Variants in PDE11A observed in about 807,000 individuals in gnomAD.
PDE11A encodes the protein phosphodiesterase 11A, also known as dual 3',5'-cyclic-AMP and -GMP phosphodiesterase 11A.
Under a neutral mutation model 100.5 loss-of-function variants are expected in PDE11A, and 100 were observed. The observed-to-expected ratio is 1.00, with a 90% CI of 0.85 to 1.18. The LOEUF is 1.18. PDE11A is among the 50% of genes most tolerant of loss of function. The probability of loss-of-function intolerance (pLI) is 0.00; values close to 1 mark genes in which losing one functional copy is unlikely to be tolerated. For missense variants in PDE11A, 1,141 were observed against 1,152.6 expected, an observed-to-expected ratio of 0.99 and a Z score of 0.15; for synonymous variants, 381 against 420.8, an observed-to-expected ratio of 0.91 and a Z score of 1.16.
At position 177,845,903 on chromosome 2, in the gene PDE11A, G is replaced by A. The variant is rs1009218765; in HGVS notation, c.1368-5520C>T. Among the ~76,000 whole-genome samples, 14 of 150,800 alleles carry A rather than the reference G, an allele frequency of 9.3e-5. No individual in the cohort carries two copies. In the Middle Eastern group the frequency reaches 0.01, roughly 113 times the overall value. ...GGCGTGGCGGCGCGTGCCTGCAATC[G>A]CAGGCACTCGGCAGGCTGAGGCAGG... On this transcript the variant is annotated intron_variant, in intron 5 of 19. Coordinates refer to ENST00000286063, the MANE Select transcript of PDE11A (RefSeq NM_016953.4).
At chr2:177,997,366 G>A (rs2086088711) in intron 2 of PDE11A, 1 of 843,598 alleles carries the variant, frequency 1.2e-6, no homozygotes, top group Non-Finnish European at 2.1e-6. Flanking sequence ...AAGATTTCTG[G>A]GGTGGTGAAC....
At chr2:177,853,517 C>G (rs540647075) in intron 5 of PDE11A, among the ~76,000 whole-genome samples, 45 of 150,468 alleles carry the variant, frequency 3.0e-4, no homozygotes, top group Non-Finnish European at 5.8e-4. Flanking sequence ...GATACTAGAG[C>G]AGTCAGGATT....
chr2:177,869,351 G>A (rs1245038823), intron 5 of PDE11A, among the ~76,000 whole-genome samples: 1 of 152,186 alleles, frequency 6.6e-6, no homozygotes, highest in Non-Finnish European at 1.5e-5. Flanking sequence ...AGCTCATTCA[G>A]GTTGTTGGCA....
At chr2:177,641,791 A>G (rs922493981) in intron 19 of PDE11A, among the ~76,000 whole-genome samples, 4 of 151,592 alleles carry the variant, frequency 2.6e-5, no homozygotes, top group Non-Finnish European at 5.9e-5. Flanking sequence ...AGCCTTAAAA[A>G]CATATCTTTT....
intron 19 of PDE11A, among the ~76,000 whole-genome samples, chr2:177,661,884 A>G (rs2080489722): frequency 6.6e-6 from 1 of 152,208 alleles, no homozygotes; most frequent in Admixed American, 6.5e-5. Context: ...GGCATTAGAA[A>G]GGTCACTACA....
intron 5 of PDE11A, among the ~76,000 whole-genome samples, chr2:177,848,922 A>G (rs1022685468): frequency 1.3e-5 from 2 of 152,256 alleles, no homozygotes; most frequent in African/African-American, 4.8e-5. Context: ...TCCAAAAAAA[A>G]GAGTCTCCAC....
At chr2:177,698,971 A>G (rs1280739146) in intron 14 of PDE11A, among the ~76,000 whole-genome samples, 1 of 152,212 alleles carries the variant, frequency 6.6e-6, no homozygotes, top group Non-Finnish European at 1.5e-5. Flanking sequence ...CACAGCATTT[A>G]AGAGCAAGTT....
chr2:177,998,579 G>C lies in PDE11A; in HGVS notation c.1071+15723C>G, dbSNP rs541614785. Reference sequence around the variant, plus strand: ...CTTCACAGAGGTCTAACTGTGCATTGATAGCAGAATCAGCCAATTCTGTAA... The same window carrying C: ...CTTCACAGAGGTCTAACTGTGCATTCATAGCAGAATCAGCCAATTCTGTAA... On this transcript the variant is annotated intron_variant, in intron 2 of 19. Transcript: ENST00000286063. 591 of 1,298,876 alleles carry C rather than the reference G, an allele frequency of 4.6e-4. 10 individuals carry two copies. The South Asian group carries it at 6.7e-3, about 15-fold the overall frequency. The allele number at this position is 1,298,876 out of a possible 1,614,324, so 80.5% of individuals were successfully genotyped here.
rs543341571 is a variant in PDE11A, at chr2:177,854,079, C to T, written c.1368-13696G>A. ...GACAGTCAAACATAAAAACCAACTG[C>T]TAAGGTTTCTAAATTGCCATAATTC... On this transcript the variant is annotated intron_variant, in intron 5 of 19. Coordinates refer to ENST00000286063, the MANE Select transcript of PDE11A (RefSeq NM_016953.4). Among the ~76,000 whole-genome samples, 50 of 151,644 alleles carry T rather than the reference C, an allele frequency of 3.3e-4. 1 individual carries two copies. Among genetic ancestry groups the T allele is most frequent in the South Asian group, 3.1e-3 (15 of 4,808 alleles).
At chr2:177,782,443 A>T (rs778179097) in intron 9 of PDE11A, among the ~76,000 whole-genome samples, 12 of 152,218 alleles carry the variant, frequency 7.9e-5, no homozygotes, top group East Asian at 1.9e-4. Context: ...AGATTTCTGT[A>T]ATCAGGTGTC....
chr2:177,674,139 C>T (rs2080730213), intron 17 of PDE11A, among the ~76,000 whole-genome samples: 1 of 152,194 alleles, frequency 6.6e-6, no homozygotes, highest in African/African-American at 2.4e-5. Context: ...GCTTTGGAGC[C>T]TAATCTGCTA....
chr2:178,094,672 A>G (rs1023076103), intron 2 of PDE11A, among the ~76,000 whole-genome samples: 1 of 152,226 alleles, frequency 6.6e-6, no homozygotes, highest in Non-Finnish European at 1.5e-5. Context: ...AGAGTGTTCT[A>G]GTCTATTTTC....
At chr2:177,819,421 G>GA (rs921693322) in intron 7 of PDE11A, among the ~76,000 whole-genome samples, 4 of 151,806 alleles carry the variant, frequency 2.6e-5, no homozygotes, top group Non-Finnish European at 5.9e-5. Flanking sequence ...CGTCTCTTAG[G>GA]AAAAAAAGTC....
rs115624881 is a variant in PDE11A at position 177,939,796 on chromosome 2, T to G, written c.1072-34609A>C. ...AAGTCCTAGGCAAACCAGGACAAGT[T>G]GGGCATGTTAGCCTTCTCTTTAACA... is the stretch of plus-strand genomic sequence containing the variant. On this transcript the variant is annotated intron_variant, in intron 2 of 19. Transcript: ENST00000286063. Among the ~76,000 whole-genome samples, 1,215 of 152,318 alleles carry G rather than the reference T, an allele frequency of 8.0e-3. 19 individuals are homozygous for G. The highest frequency in any genetic ancestry group is 0.027 in the African/African-American group (1,125 of 41,574).
At chr2:177,825,451 A>G (rs1371155451) in intron 6 of PDE11A, among the ~76,000 whole-genome samples, 3 of 152,172 alleles carry the variant, frequency 2.0e-5, no homozygotes, top group African/African-American at 7.2e-5. Context: ...TTCCATTTTA[A>G]AATCATTAAT....
chr2:177,910,412 G>GTCTC (rs72413223), intron 2 of PDE11A, among the ~76,000 whole-genome samples: 1 of 145,928 alleles, frequency 6.9e-6, no homozygotes, highest in African/African-American at 2.5e-5. Context: ...CTCTCTCTCT[G>GTCTC]TCTCTCTCTC....
At chr2:177,888,522 T>C (rs188143261) in intron 4 of PDE11A, 3 of 153,902 alleles carry the variant, frequency 1.9e-5, no homozygotes, top group African/African-American at 7.2e-5. Context: ...TAGCTAAAGG[T>C]AGATAAAGAT....
At chr2:178,039,269 AAC>A (rs2086655061) in intron 1 of PDE11A, among the ~76,000 whole-genome samples, 1 of 152,218 alleles carries the variant, frequency 6.6e-6, no homozygotes, top group South Asian at 2.1e-4. Context: ...TTAGCAAACT[AAC>A]ACAAAAACAG....
intron 5 of PDE11A, among the ~76,000 whole-genome samples, chr2:177,862,757 A>G: frequency 6.6e-6 from 1 of 151,842 alleles, no homozygotes. Flanking sequence ...TGTCCATACT[A>G]CCTAAAGCAT....
Sources: gnomAD v4.1 joint callset for allele counts (sites outside exome capture counted in the v4.1 genomes callset) on GRCh38, gnomAD v4.1.1 for gene constraint, MANE v1.5 for transcripts, NCBI Gene and HGNC (gene_info 2026-07-23, HGNC 2026-07-21) for gene names.